The following GTF3C6 variants were observed in gnomAD, a reference collection of about 807,000 sequenced individuals.
GTF3C6 encodes general transcription factor IIIC subunit 6.
In GTF3C6, 11 loss-of-function variants were observed where a neutral mutation model predicts 19.2. The ratio of observed to expected loss-of-function variants is 0.57; its 90% CI spans 0.36 to 0.95. The LOEUF is 0.95. GTF3C6 is among the 40% of genes least tolerant of loss of function. The pLI, the probability that GTF3C6 is intolerant of heterozygous loss-of-function variation, is 0.01. For missense variants in GTF3C6, 222 were observed against 254.7 expected, an observed-to-expected ratio of 0.87 and a Z score of 0.87; for synonymous variants, 87 against 84.2, an observed-to-expected ratio of 1.03 and a Z score of -0.18.
chr6:110,966,943 C>A (rs1771237425), intron 5 of GTF3C6, among the ~76,000 whole-genome samples: 1 of 152,064 alleles, frequency 6.6e-6, no homozygotes, highest in South Asian at 2.1e-4. Context: ...GGCTTGAAGT[C>A]AGGAGTTCGA....
intron 5 of GTF3C6, among the ~76,000 whole-genome samples, chr6:110,966,564 G>T (rs1771231741): frequency 6.6e-6 from 1 of 152,204 alleles, no homozygotes. Context: ...ATACCAGGAA[G>T]GTGAAGATCA....
chr6:110,966,927 G>A (rs1771237177), intron 5 of GTF3C6, among the ~76,000 whole-genome samples: 1 of 152,154 alleles, frequency 6.6e-6, no homozygotes, highest in Non-Finnish European at 1.5e-5. Context: ...GGTGAGGCGG[G>A]TGGATGGCTT....
intron 5 of GTF3C6, among the ~76,000 whole-genome samples, chr6:110,963,427 C>T (rs1353211427): frequency 6.6e-6 from 1 of 151,002 alleles, no homozygotes; most frequent in East Asian, 1.9e-4. Context: ...TCTCTCTTCT[C>T]CTTCTCCCTC....
chr6:110,960,499 G>T (rs764550265), intron 3 of GTF3C6, 22 bp downstream of exon 3: 5 of 1,610,588 alleles, frequency 3.1e-6, no homozygotes, highest in Non-Finnish European at 4.2e-6. Flanking sequence ...TCAGATAGAT[G>T]GAACTCTTTC....
In GTF3C6 at chr6:110,967,652, T is replaced by G; in HGVS notation, c.504T>G (p.Ile168Met). ...CTTTGGAATTGGAAGAGGAAGAGAT[T>G]CAAATGAACGACAGTTCAAACCTGA... ...DKSLELEEEE[I>M]QMNDSSNLSC... The change falls in exon 6 of 6, where the codon ATT (isoleucine) becomes ATG (methionine). Residue 168 changes from isoleucine (I) to methionine (M), a missense_variant. Ile to Met is a conservative substitution (Grantham distance 10). Transcript: ENST00000329970. 1 of 1,614,098 alleles carries G rather than the reference T, an allele frequency of 6.2e-7. No homozygotes were observed. The highest frequency in any genetic ancestry group is 8.5e-7 in the Non-Finnish European group (1 of 1,179,994).
At position 110,959,269 on chromosome 6, in the gene GTF3C6, T is replaced by G. The variant is rs1562357653; in HGVS notation, c.138+17T>G. 11 of 1,422,346 alleles carry G rather than the reference T, an allele frequency of 7.7e-6. No homozygotes were observed. Among genetic ancestry groups the G allele is most frequent in the Non-Finnish European group, 9.7e-6 (10 of 1,030,860 alleles). 88.1% of individuals were successfully genotyped at this position (1,422,346 alleles called of 1,614,324 possible). A position where few individuals can be genotyped will look rare whatever the true frequency, so the allele number is the denominator to read the frequency against. Reference sequence around the variant, plus strand: ...AAGGTTTTGGTGAGTTTTCTAGACTTGGGGGGATTGTTCTAGAGTGTCTTA... The same window carrying G: ...AAGGTTTTGGTGAGTTTTCTAGACTGGGGGGGATTGTTCTAGAGTGTCTTA... On this transcript the variant is annotated intron_variant, in intron 2 of 5. Transcript: ENST00000329970.
At position 110,962,372 on chromosome 6, in the gene GTF3C6, G is replaced by A; in HGVS notation, c.248-20G>A. 1.6e-6 allele frequency: 2 copies of A among 1,247,674 alleles called. No individual in the cohort carries two copies. The highest frequency in any genetic ancestry group is 2.4e-6 in the Non-Finnish European group (2 of 849,276). The allele number at this position is 1,247,674 out of a possible 1,614,324, so 77.3% of individuals were successfully genotyped here. On this transcript the variant is annotated intron_variant, in intron 4 of 5. Coordinates refer to ENST00000329970, the MANE Select transcript of GTF3C6 (RefSeq NM_138408.4). ...TTGATGGCATAAGAAGTATAATAAT[G>A]TTGTTCATTTCTGTTCCAGCTGATA...
At position 110,964,549 on chromosome 6, in the gene GTF3C6, TTA is replaced by T. The variant is rs1771204757; in HGVS notation, c.361+2045_361+2046del. 3.3e-5 allele frequency among the ~76,000 whole-genome samples: 5 copies of T among 152,296 alleles called. No individual in the cohort carries two copies. In the South Asian group the frequency reaches 1.0e-3, roughly 32 times the overall value. ...GATGCTGCACCCAGCCTTTGTATTTTTAGTAGAGACGGAGTCTCACCCTGTTG... is the reference window on the plus strand; with the variant it reads ...GATGCTGCACCCAGCCTTTGTATTTTGTAGAGACGGAGTCTCACCCTGTTG... On this transcript the variant is annotated intron_variant, in intron 5 of 5. Transcript: ENST00000329970.
rs750671258 is a variant in GTF3C6 at position 110,959,176 on chromosome 6, A to T, written c.62A>T (p.Gln21Leu). Residue 21 changes from glutamine (Q) to leucine (L), a missense_variant, in exon 2 of 6, where the codon CAG becomes CTG. Gln to Leu is a moderately radical substitution (Grantham distance 113). Transcript: ENST00000329970. Reference sequence around the variant, plus strand: ...AACCCCTCTTTCTTTCACCAGGAGCAGTTGGTTCTGGTGGAATTATCAGGA... The same window carrying T: ...AACCCCTCTTTCTTTCACCAGGAGCTGTTGGTTCTGGTGGAATTATCAGGA... ...EDGEDEEEEE[Q>L]LVLVELSGII... 2 of 1,607,944 alleles carry T rather than the reference A, an allele frequency of 1.2e-6. No individual in the cohort carries two copies. Among genetic ancestry groups the T allele is most frequent in the Admixed American group, 3.3e-5 (2 of 59,930 alleles).
At position 110,967,497 on chromosome 6, in the gene GTF3C6, C is replaced by T. The variant is rs1562359946; in HGVS notation, c.362-13C>T. On this transcript the variant is annotated splice_polypyrimidine_tract_variant and intron_variant, in intron 5 of 5. Transcript: ENST00000329970. ...TTTCTTTTTTTGTTTATTCCTCATC[C>T]CCTCCAAATTAGGTGGGGTGGAATG... 6.3e-7 allele frequency: 1 copy of T among 1,585,370 alleles called. No individual in the cohort carries two copies. Among genetic ancestry groups the T allele is most frequent in the Non-Finnish European group, 8.6e-7 (1 of 1,167,942 alleles).
chr6:110,967,760 T>C lies in GTF3C6; in HGVS notation c.612T>C (p.Ser204=). 1 of 1,608,280 alleles carries C rather than the reference T, an allele frequency of 6.2e-7. No homozygotes were observed. Reference sequence around the variant, plus strand: ...ATATACCTTCTGAGACAGAAGGTTCTGTTTTTATGGAAACTCAAATGCTGC... The same window carrying C: ...ATATACCTTCTGAGACAGAAGGTTCCGTTTTTATGGAAACTCAAATGCTGC... ...LIDIPSETEG[S]VFMETQMLP is the part of the protein sequence containing the mutation. Residue 204 remains serine (S), a synonymous_variant, in exon 6 of 6, where the codon TCT becomes TCC. Transcript: ENST00000329970.
intron 5 of GTF3C6, among the ~76,000 whole-genome samples, chr6:110,965,212 G>C (rs934115471): frequency 4.2e-4 from 63 of 148,280 alleles, no homozygotes; most frequent in Non-Finnish European, 1.2e-4. Context: ...CTGGGCTCAA[G>C]TGATCCTCCT....
At position 110,962,773 on chromosome 6, in the gene GTF3C6, TC is replaced by T. The variant is rs202226017; in HGVS notation, c.361+269del. ...ACCCACCACCACGCCCAGCCAATTT[TC>T]TTTTTTTTTCTTTTTTCTTATCCAG... On this transcript the variant is annotated intron_variant, in intron 5 of 5. Transcript: ENST00000329970. Among the ~76,000 whole-genome samples, 5,867 of 150,908 alleles carry T rather than the reference TC, an allele frequency of 0.039. 516 individuals are homozygous for T. In the East Asian group the frequency reaches 0.4, roughly 10 times the overall value.
At chr6:110,958,907 A>G (rs1394058201) in intron 1 of GTF3C6, 81 bp downstream of exon 1, 2 of 1,452,592 alleles carry the variant, frequency 1.4e-6, no homozygotes, top group African/African-American at 1.4e-5. Context: ...GGAGTTGGGG[A>G]GCTGCGGGCC....
chr6:110,960,386 T>A (rs1228064383), intron 2 of GTF3C6, 28 bp from the exon 3 acceptor site: 1 of 1,571,818 alleles, frequency 6.4e-7, no homozygotes, highest in East Asian at 2.2e-5. Context: ...ATTATGTTTT[T>A]TTTTTATGAT....
intron 5 of GTF3C6, among the ~76,000 whole-genome samples, chr6:110,964,457 C>T (rs1460086754): frequency 6.6e-6 from 1 of 151,980 alleles, no homozygotes; most frequent in East Asian, 1.9e-4. Context: ...GTTGGTCAGG[C>T]TGGTCTGGAA....
In GTF3C6 at chr6:110,959,218, TC is replaced by T; in HGVS notation, c.106del (p.Leu36SerfsTer35). On this transcript the variant is annotated frameshift_variant, in exon 2 of 6. Coordinates refer to ENST00000329970, the MANE Select transcript of GTF3C6 (RefSeq NM_138408.4). LOFTEE classifies it high-confidence loss of function. ...VELSGIIDSD[F>X]LSKCENKCKV... is the part of the protein sequence containing the mutation. ...TTATCAGGAATTATTGATTCAGACT[TC>T]CTCTCAAAATGTGAAAATAAATGCA... is the stretch of plus-strand genomic sequence containing the variant. The T allele has an allele frequency of 6.2e-7, 1 of 1,612,784 alleles. No homozygotes were observed. The highest frequency in any genetic ancestry group is 1.3e-5 in the African/African-American group (1 of 75,002).
intron 2 of GTF3C6, 68 bp from the exon 3 acceptor site, chr6:110,960,346 G>A: frequency 7.4e-7 from 1 of 1,352,098 alleles, no homozygotes; most frequent in South Asian, 1.4e-5. Context: ...TTCCTTGGTA[G>A]CAAGGTTACA....
At chr6:110,959,313 A>G (rs80080020) in intron 2 of GTF3C6, 61 bp downstream of exon 2, 24 of 971,916 alleles carry the variant, frequency 2.5e-5, no homozygotes, top group Middle Eastern at 2.2e-4. Flanking sequence ...ACAAGAATCA[A>G]TGGTGAAATA....
Sources: gnomAD v4.1 joint callset for allele counts (sites outside exome capture counted in the v4.1 genomes callset) on GRCh38, gnomAD v4.1.1 for gene constraint, MANE v1.5 for transcripts, NCBI Gene and HGNC (gene_info 2026-07-23, HGNC 2026-07-21) for gene names.